Variants in ZC3H6 observed in about 807,000 individuals in gnomAD.
ZC3H6 encodes zinc finger CCCH-type containing 6.
Under a neutral mutation model 107.7 loss-of-function variants are expected in ZC3H6, and 40 were observed. The ratio of observed to expected loss-of-function variants is 0.37; its 90% confidence interval spans 0.29 to 0.48. The LOEUF is 0.48. ZC3H6 is among the 20% of genes least tolerant of loss of function. The pLI, the probability that ZC3H6 is intolerant of heterozygous loss-of-function variation, is 0.98. For synonymous variants in ZC3H6, 493 were observed against 487.9 expected (o/e 1.01, Z -0.14); for missense variants, 1,267 against 1,410.4 (o/e 0.90, Z 1.63).
intron 1 of ZC3H6, among the ~76,000 whole-genome samples, chr2:112,287,328 A>G (rs1392992797): frequency 6.6e-6 from 1 of 152,138 alleles, no homozygotes; most frequent in East Asian, 1.9e-4. Context: ...ATATAAAAAT[A>G]ATAACTTTTA....
At chr2:112,328,722 C>T (rs1246353607) in intron 11 of ZC3H6, among the ~76,000 whole-genome samples, 3 of 152,080 alleles carry the variant, frequency 2.0e-5, no homozygotes, top group East Asian at 1.9e-4. Flanking sequence ...GGGTAGATCA[C>T]GAGGTCAAGA....
intron 10 of ZC3H6, 110 bp from the exon 11 acceptor site, chr2:112,324,854 A>G: frequency 8.7e-7 from 1 of 1,151,356 alleles, no homozygotes; most frequent in Non-Finnish European, 1.2e-6. Flanking sequence ...AATATTTTAA[A>G]TGATATAATT....
In ZC3H6 at chr2:112,325,211, T is replaced by C. The variant is rs985434005; in HGVS notation, c.2086+14T>C. 1.2e-6 allele frequency: 2 copies of C among 1,611,650 alleles called. No homozygotes were observed. Among genetic ancestry groups the C allele is most frequent in the African/African-American group, 2.7e-5 (2 of 74,878 alleles). On this transcript the variant is annotated intron_variant, in intron 11 of 11. Coordinates refer to ENST00000409871, the MANE Select transcript of ZC3H6 (RefSeq NM_198581.3). ...GCAAGGAAGAAGGTGTGTCAGAAGT[T>C]ATTAATAGCATCTTACCTATTTGGA...
At chr2:112,319,645 C>CA (rs1187937504) in intron 7 of ZC3H6, among the ~76,000 whole-genome samples, 225 of 133,636 alleles carry the variant, frequency 1.7e-3, no homozygotes, top group East Asian at 8.3e-3. Flanking sequence ...GACTCTGTCT[C>CA]AAAAAAAAAA....
intron 2 of ZC3H6, among the ~76,000 whole-genome samples, chr2:112,300,595 G>A (rs974717058): frequency 1.3e-5 from 2 of 152,204 alleles, no homozygotes; most frequent in African/African-American, 2.4e-5. Flanking sequence ...AGGAAAGAGA[G>A]TTTCATTCTC....
chr2:112,305,680 G>A (rs72833415), intron 3 of ZC3H6, among the ~76,000 whole-genome samples: 18,932 of 152,094 alleles, frequency 0.12, 1,342 homozygotes, highest in Non-Finnish European at 0.16. Context: ...GCACTGCATC[G>A]TTTAGCCTTT....
intron 8 of ZC3H6, 116 bp from the exon 9 acceptor site, chr2:112,322,533 G>C: frequency 8.4e-7 from 1 of 1,197,284 alleles, no homozygotes; most frequent in Non-Finnish European, 1.1e-6. Flanking sequence ...GAGCCACTGC[G>C]ACCAGCCCAT....
In ZC3H6 at chr2:112,332,648, G is replaced by A; in HGVS notation, c.*160G>A. The A allele has an allele frequency of 1.7e-6, 1 of 572,100 alleles. No individual in the cohort carries two copies. Among genetic ancestry groups the A allele is most frequent in the Non-Finnish European group, 2.8e-6 (1 of 361,624 alleles). 35.4% of individuals were successfully genotyped at this position (572,100 alleles called of 1,614,324 possible). The stretch of plus-strand genomic sequence containing the variant: ...TGAAGTTATAGCCTCTAAAGCCTGT[G>A]GTATTTTATATAATATTTTTATAAC... On this transcript the variant is annotated 3_prime_UTR_variant, in exon 12 of 12. Transcript: ENST00000409871.
At chr2:112,278,912 C>T (rs1286494218) in intron 1 of ZC3H6, among the ~76,000 whole-genome samples, 2 of 152,112 alleles carry the variant, frequency 1.3e-5, no homozygotes, top group African/African-American at 4.8e-5. Flanking sequence ...TGAGCCACCA[C>T]GCCTGGCCTT....
intron 11 of ZC3H6, 65 bp downstream of exon 11, chr2:112,325,262 G>A (rs1016031175): frequency 2.7e-6 from 4 of 1,473,022 alleles, no homozygotes; most frequent in Non-Finnish European, 3.7e-6. Context: ...AAATGGCCGA[G>A]GCAGGTGAAT....
chr2:112,287,446 G>A (rs1456012918), intron 1 of ZC3H6, among the ~76,000 whole-genome samples: 18 of 152,112 alleles, frequency 1.2e-4, no homozygotes, highest in Admixed American at 1.2e-3. Context: ...GAATAGTGTG[G>A]TTTTCTTCAT....
In ZC3H6 at chr2:112,322,751, G is replaced by A; in HGVS notation, c.1189G>A (p.Gly397Arg). The A allele has an allele frequency of 6.2e-7, 1 of 1,613,878 alleles. No homozygotes were observed. Among genetic ancestry groups the A allele is most frequent in the South Asian group, 1.1e-5 (1 of 91,064 alleles). Residue 397 changes from glycine (G) to arginine (R), a missense_variant, in exon 9 of 12, where the codon GGG (glycine) becomes AGG (arginine). Gly to Arg is a moderately radical substitution (Grantham distance 125). Coordinates refer to ENST00000409871, the MANE Select transcript of ZC3H6 (RefSeq NM_198581.3). The part of the protein sequence containing the change: ...TPLPKPPPGV[G>R]LLPTPPEHFP... Reference sequence around the variant, plus strand: ...TCTTCCCAAACCACCTCCAGGGGTTGGGCTTCTGCCAACCCCTCCAGAGCA... The same window carrying A: ...TCTTCCCAAACCACCTCCAGGGGTTAGGCTTCTGCCAACCCCTCCAGAGCA...
intron 10 of ZC3H6, 84 bp downstream of exon 10, chr2:112,324,747 T>C: frequency 1.5e-6 from 2 of 1,352,502 alleles, no homozygotes; most frequent in Non-Finnish European, 2.0e-6. Context: ...AAACGTAAGT[T>C]TTAAGTAAAG....
At chr2:112,319,830 T>C (rs559498840) in intron 7 of ZC3H6, among the ~76,000 whole-genome samples, 9 of 152,328 alleles carry the variant, frequency 5.9e-5, no homozygotes, top group Admixed American at 2.6e-4. Context: ...CTAAGTAATG[T>C]CATCCTACAG....
intron 3 of ZC3H6, among the ~76,000 whole-genome samples, chr2:112,303,673 A>C (rs72833413): frequency 0.13 from 19,074 of 152,230 alleles, 1,369 homozygotes; most frequent in Non-Finnish European, 0.16. Context: ...ATTTCACTTA[A>C]CATAATATTT....
Position 112,324,174 on chromosome 2 carries a change from G to A in ZC3H6, c.1363G>A (p.Ala455Thr). The change falls in exon 10 of 12, where the codon GCC (alanine) becomes ACC (threonine). Residue 455 changes from alanine (A) to threonine (T), a missense_variant. Transcript: ENST00000409871. ...CAGGCCACCAGCATTTTATACCAGT[G>A]CCTCACCACCAGGACCACAATTTCA... The part of the protein sequence containing the change: ...GRKPPAFYTS[A>T]SPPGPQFQGS... 1 of 1,584,770 alleles carries A rather than the reference G, an allele frequency of 6.3e-7. No homozygotes were observed. The highest frequency in any genetic ancestry group is 1.7e-5 in the Admixed American group (1 of 58,544).
intron 1 of ZC3H6, among the ~76,000 whole-genome samples, chr2:112,288,966 T>G (rs1315355197): frequency 6.6e-6 from 1 of 152,182 alleles, no homozygotes; most frequent in Non-Finnish European, 1.5e-5. Flanking sequence ...GTTTTCATTC[T>G]TTGAGCGTTC....
chr2:112,284,883 C>T (rs1007217853), intron 1 of ZC3H6, among the ~76,000 whole-genome samples: 2 of 151,244 alleles, frequency 1.3e-5, no homozygotes, highest in African/African-American at 4.9e-5. Context: ...AAGATTTTCT[C>T]ATAGAAGATT....
At chr2:112,306,636 T>G (rs1482952300) in intron 3 of ZC3H6, among the ~76,000 whole-genome samples, 3 of 152,188 alleles carry the variant, frequency 2.0e-5, no homozygotes, top group Non-Finnish European at 4.4e-5. Flanking sequence ...TCAGAAAGGA[T>G]TTTTACTTAC....
Sources: gnomAD v4.1 joint callset for allele counts (sites outside exome capture counted in the v4.1 genomes callset) on GRCh38, gnomAD v4.1.1 for gene constraint, MANE v1.5 for transcripts, NCBI Gene and HGNC (gene_info 2026-07-23, HGNC 2026-07-21) for gene names.